Variants in GRM7 observed in about 807,000 individuals in gnomAD.
GRM7 encodes the protein glutamate metabotropic receptor 7.
A neutral mutation model predicts 84.5 loss-of-function variants in GRM7; 35 were observed. The ratio of observed to expected loss-of-function variants is 0.41; its 90% CI spans 0.32 to 0.55. GRM7 has a LOEUF of 0.55. Among genes scored for constraint, GRM7 ranks in the 20% least tolerant of loss-of-function variants. The probability of loss-of-function intolerance (pLI) is 0.19; values close to 1 mark genes in which losing one functional copy is unlikely to be tolerated. For synonymous variants in GRM7, 487 were observed against 455.1 expected (o/e 1.07, Z -0.89); for missense variants, 1,003 against 1,194.6 (o/e 0.84, Z 2.36).
intron 6 of GRM7, among the ~76,000 whole-genome samples, chr3:7,460,751 T>C (rs1698212924): frequency 6.6e-6 from 1 of 152,258 alleles, no homozygotes; most frequent in South Asian, 2.1e-4. Flanking sequence ...GCATTATTTG[T>C]ACATAGTTTT....
At chr3:7,253,533 C>T (rs1698083210) in intron 2 of GRM7, among the ~76,000 whole-genome samples, 1 of 150,746 alleles carries the variant, frequency 6.6e-6, no homozygotes, top group South Asian at 2.1e-4. Context: ...AGGAGAATCA[C>T]TTGAACCCAG....
chr3:7,028,906 T>C (rs1193428250), intron 1 of GRM7, among the ~76,000 whole-genome samples: 1 of 152,154 alleles, frequency 6.6e-6, no homozygotes, highest in Non-Finnish European at 1.5e-5. Context: ...AAGTTAGACA[T>C]TTAAGAAAAA....
chr3:7,135,598 A>T (rs73122328), intron 1 of GRM7, among the ~76,000 whole-genome samples: 1,562 of 152,292 alleles, frequency 0.01, 22 homozygotes, highest in African/African-American at 0.036. Context: ...CCTTCCAAAA[A>T]GTAAGATACT....
intron 1 of GRM7, among the ~76,000 whole-genome samples, chr3:6,889,021 G>C (rs1400872452): frequency 6.6e-6 from 1 of 152,046 alleles, no homozygotes; most frequent in Non-Finnish European, 1.5e-5. Flanking sequence ...CTCATGATTT[G>C]GCTCTCTGTT....
chr3:7,566,457 G>C (rs987854990), intron 7 of GRM7, among the ~76,000 whole-genome samples: 1 of 151,972 alleles, frequency 6.6e-6, no homozygotes, highest in African/African-American at 2.4e-5. Flanking sequence ...TTAAATTCAG[G>C]CTTTTAAAAA....
chr3:7,656,547 GCACACACACA>G (rs36040422), intron 8 of GRM7, among the ~76,000 whole-genome samples: 21 of 139,300 alleles, frequency 1.5e-4, no homozygotes, highest in East Asian at 4.2e-4. Flanking sequence ...ATACGCGCGC[GCACACACACA>G]CACACACACA....
At chr3:7,406,499 C>CAA (rs201351876) in intron 4 of GRM7, among the ~76,000 whole-genome samples, 34 of 150,416 alleles carry the variant, frequency 2.3e-4, no homozygotes, top group African/African-American at 8.3e-4. Flanking sequence ...GACTCTGTCT[C>CAA]AAAAAAAAAT....
At chr3:6,873,655 C>A (rs566321369) in intron 1 of GRM7, among the ~76,000 whole-genome samples, 1 of 152,296 alleles carries the variant, frequency 6.6e-6, no homozygotes, top group East Asian at 1.9e-4. Context: ...GTATTAGCGT[C>A]AGTATTTTCA....
At chr3:6,911,773 T>G (rs572993337) in intron 1 of GRM7, among the ~76,000 whole-genome samples, 2 of 152,324 alleles carry the variant, frequency 1.3e-5, no homozygotes, top group East Asian at 3.9e-4. Context: ...TTGTTTTTAG[T>G]TTTATTTAAG....
intron 1 of GRM7, among the ~76,000 whole-genome samples, chr3:6,920,717 T>G (rs1254985694): frequency 6.6e-6 from 1 of 152,170 alleles, no homozygotes; most frequent in Non-Finnish European, 1.5e-5. Context: ...TGATTTCCAC[T>G]GCTTGGGGCT....
At chr3:7,580,144 A>T (rs1164441827) in intron 8 of GRM7, among the ~76,000 whole-genome samples, 1 of 152,196 alleles carries the variant, frequency 6.6e-6, no homozygotes, top group Non-Finnish European at 1.5e-5. Context: ...TACGGTGTTG[A>T]TTCTAGACAT....
At chr3:7,508,583 A>G (rs974218139) in intron 7 of GRM7, among the ~76,000 whole-genome samples, 1 of 152,166 alleles carries the variant, frequency 6.6e-6, no homozygotes, top group Non-Finnish European at 1.5e-5. Flanking sequence ...TTAATGAGCA[A>G]TATCATGGTG....
At position 7,188,434 on chromosome 3, in the gene GRM7, G is replaced by A. The variant is rs781709118; in HGVS notation, c.736+41766G>A. 5.3e-5 allele frequency among the ~76,000 whole-genome samples: 8 copies of A among 152,002 alleles called. No individual in the cohort carries two copies. Among genetic ancestry groups the A allele is most frequent in the Non-Finnish European group, 1.2e-4 (8 of 68,018 alleles). ...CCAGCTCATATCTTGTTTTTCTATG[G>A]TGCTCCAGTGAAAATATTTTTAAAG... On this transcript the variant is annotated intron_variant, in intron 2 of 9. Coordinates refer to ENST00000357716, the MANE Select transcript of GRM7 (RefSeq NM_000844.4). This position sits in a 1 kb window ranked among gnomAD's most constrained non-coding sequence, Gnocchi z 4.2.
At chr3:7,419,522 T>C (rs1439632186) in intron 5 of GRM7, among the ~76,000 whole-genome samples, 1 of 152,178 alleles carries the variant, frequency 6.6e-6, no homozygotes, top group African/African-American at 2.4e-5. Context: ...GCTGTATCCT[T>C]ACATGTCTAA....
At chr3:7,439,044 T>C (rs1280941935) in intron 5 of GRM7, among the ~76,000 whole-genome samples, 2 of 152,150 alleles carry the variant, frequency 1.3e-5, no homozygotes, top group Non-Finnish European at 2.9e-5. Context: ...TGATAGTTAA[T>C]GTCATTAAAA....
intron 9 of GRM7, among the ~76,000 whole-genome samples, chr3:7,696,553 G>T (rs1364030610): frequency 2.6e-5 from 4 of 152,102 alleles, no homozygotes; most frequent in Non-Finnish European, 5.9e-5. Context: ...AATATTCAAG[G>T]ATATGAACAG....
At chr3:7,656,542 C>T (rs1261890402) in intron 8 of GRM7, among the ~76,000 whole-genome samples, 389 of 33,866 alleles carry the variant, frequency 0.011, 8 homozygotes, top group Middle Eastern at 0.071. Context: ...TATATATACG[C>T]GCGCGCACAC....
intron 8 of GRM7, among the ~76,000 whole-genome samples, chr3:7,580,086 A>T (rs887006484): frequency 5.9e-5 from 9 of 152,246 alleles, no homozygotes; most frequent in African/African-American, 2.2e-4. Context: ...GTTCACATGC[A>T]CCTTCCAGGT....
At chr3:7,452,983 G>A (rs1233649363) in intron 6 of GRM7, among the ~76,000 whole-genome samples, 176 bp downstream of exon 6, 4 of 151,236 alleles carry the variant, frequency 2.6e-5, no homozygotes, top group Non-Finnish European at 4.4e-5. Flanking sequence ...AATGAGTTAA[G>A]ATATATTTGG....
Sources: gnomAD v4.1 joint callset for allele counts (sites outside exome capture counted in the v4.1 genomes callset) on GRCh38, gnomAD v4.1.1 for gene constraint, Gnocchi (gnomAD v3.1) non-coding constraint, MANE v1.5 for transcripts, NCBI Gene and HGNC (gene_info 2026-07-23, HGNC 2026-07-21) for gene names.